RAD51B: variants seen among roughly 807,000 people sequenced by gnomAD.
RAD51B encodes the protein RAD51 paralog B.
RAD51B carries 38 observed loss-of-function variants against 42.2 expected under a neutral mutation model. The observed-to-expected ratio is 0.90, with a 90% CI of 0.70 to 1.18. The LOEUF (loss-of-function observed/expected upper bound fraction) is 1.18, where lower values mean the gene tolerates loss of function less well. Ranked by LOEUF, RAD51B falls within the 50% of genes most tolerant of loss-of-function variation. RAD51B has a pLI of 0.00. For missense variants in RAD51B, 373 were observed against 400.7 expected (o/e 0.93, Z 0.59); for synonymous variants, 154 against 145.2 (o/e 1.06, Z -0.43).
intron 5 of RAD51B, among the ~76,000 whole-genome samples, chr14:67,875,976 T>A (rs2042713186): frequency 6.6e-6 from 1 of 152,186 alleles, no homozygotes; most frequent in African/African-American, 2.4e-5. Context: ...TTTGAGATAG[T>A]TTCATGACAC....
At chr14:68,004,407 G>A (rs2075545574) in intron 7 of RAD51B, among the ~76,000 whole-genome samples, 1 of 149,962 alleles carries the variant, frequency 6.7e-6, no homozygotes, top group African/African-American at 2.4e-5. Flanking sequence ...ATTCCTTGTA[G>A]TTTTTGTTTG....
chr14:68,452,107 G>A (rs184515653), intron 9 of RAD51B, among the ~76,000 whole-genome samples: 2 of 152,276 alleles, frequency 1.3e-5, no homozygotes, highest in African/African-American at 2.4e-5. Context: ...TGTGGATGGC[G>A]CTGGGAAATC....
intron 10 of RAD51B, among the ~76,000 whole-genome samples, chr14:68,512,574 C>T (rs1035697792): frequency 1.3e-5 from 2 of 152,092 alleles, no homozygotes; most frequent in African/African-American, 4.8e-5. Context: ...CTAAGCCCAC[C>T]TCTGCCCTGG....
intron 7 of RAD51B, among the ~76,000 whole-genome samples, chr14:68,268,747 T>C (rs2081043752): frequency 6.6e-6 from 1 of 152,228 alleles, no homozygotes; most frequent in South Asian, 2.1e-4. Flanking sequence ...GCACAGAGCA[T>C]CTTTAATTTA....
chr14:68,206,788 C>CTTTTT (rs34642019), intron 7 of RAD51B, among the ~76,000 whole-genome samples: 5 of 124,352 alleles, frequency 4.0e-5, no homozygotes, highest in Non-Finnish European at 6.8e-5. Flanking sequence ...AACCCCAGTT[C>CTTTTT]TTTTTTTTTT....
intron 10 of RAD51B, among the ~76,000 whole-genome samples, chr14:68,568,720 T>C (rs570232439): frequency 6.6e-6 from 1 of 152,348 alleles, no homozygotes; most frequent in South Asian, 2.1e-4. Context: ...GCAGCCATTT[T>C]CAACAAGCTT....
At chr14:67,978,010 G>A (rs1193891792) in intron 7 of RAD51B, among the ~76,000 whole-genome samples, 1 of 151,930 alleles carries the variant, frequency 6.6e-6, no homozygotes, top group Admixed American at 6.6e-5. Context: ...TCCCCCTAAA[G>A]CCATAGGTAG....
At chr14:68,358,707 A>G (rs747365763) in intron 8 of RAD51B, among the ~76,000 whole-genome samples, 3 of 152,216 alleles carry the variant, frequency 2.0e-5, no homozygotes, top group Non-Finnish European at 4.4e-5. Context: ...AACTCTAGGA[A>G]GGTTATGGTC....
At chr14:68,607,528 G>C (rs1031665006) in intron 10 of RAD51B, among the ~76,000 whole-genome samples, 1 of 152,114 alleles carries the variant, frequency 6.6e-6, no homozygotes, top group Non-Finnish European at 1.5e-5. Context: ...CTCAGCCCAC[G>C]TCCGCCCTTT....
At chr14:68,536,857 G>A (rs538114630) in intron 10 of RAD51B, among the ~76,000 whole-genome samples, 330 of 151,676 alleles carry the variant, frequency 2.2e-3, no homozygotes, top group African/African-American at 7.6e-3. Context: ...CGAGGCGGGC[G>A]GATCCCTTGA....
chr14:67,998,755 T>C (rs894745560), intron 7 of RAD51B, among the ~76,000 whole-genome samples: 1 of 152,166 alleles, frequency 6.6e-6, no homozygotes, highest in Non-Finnish European at 1.5e-5. Flanking sequence ...GCTCTAGATA[T>C]TCAATGAGGT....
chr14:68,143,129 A>T (rs1429247369), intron 7 of RAD51B, among the ~76,000 whole-genome samples: 1 of 152,158 alleles, frequency 6.6e-6, no homozygotes, highest in African/African-American at 2.4e-5. Context: ...ACTTGTCCCA[A>T]CTTTGCCACT....
chr14:67,891,089 T>C (rs577468019), intron 7 of RAD51B, among the ~76,000 whole-genome samples: 18 of 152,284 alleles, frequency 1.2e-4, no homozygotes, highest in Admixed American at 9.2e-4. Context: ...TCAATTTCAG[T>C]TGTTATATGA....
At position 68,590,996 on chromosome 14, in the gene RAD51B, G is replaced by A. The variant is rs142521549; in HGVS notation, c.1037-3489G>A. 2.5e-3 allele frequency among the ~76,000 whole-genome samples: 375 copies of A among 152,208 alleles called. 3 individuals carry two copies. Among genetic ancestry groups the A allele is most frequent in the African/African-American group, 8.7e-3 (361 of 41,534 alleles). On this transcript the variant is annotated intron_variant, in intron 10 of 10. Coordinates refer to the RAD51B transcript ENST00000487270. ...CCATGGACCCCTCCCCTCCCCTCCG[G>A]TTCCTGCCCTGCCCAACCTCATTCT...
intron 10 of RAD51B, among the ~76,000 whole-genome samples, chr14:68,607,252 C>T (rs1028206371): frequency 1.2e-4 from 19 of 152,316 alleles, no homozygotes; most frequent in African/African-American, 4.6e-4. Flanking sequence ...GAGCTCATGC[C>T]AGCACTTCTG....
intron 11 of RAD51B, among the ~76,000 whole-genome samples, chr14:68,662,416 G>T (rs1892952140): frequency 6.6e-6 from 1 of 152,242 alleles, no homozygotes; most frequent in Non-Finnish European, 1.5e-5. Flanking sequence ...TATCCAAGAT[G>T]TCAGCTGCCT....
rs988431933 is a variant in RAD51B at position 67,920,629 on chromosome 14, T to C, written c.756+33425T>C. The stretch of plus-strand genomic sequence containing the variant: ...AATACTGTGTACAATTTTATGAAGT[T>C]AAGTTTCTGTAATATGTGGTCACCC... On this transcript the variant is annotated intron_variant, in intron 7 of 10. Transcript: ENST00000471583. Among the ~76,000 whole-genome samples the C allele has an allele frequency of 5.3e-5, 8 of 152,330 alleles. No individual in the cohort carries two copies. In the East Asian group the frequency reaches 1.5e-3, roughly 29 times the overall value.
chr14:68,206,441 A>G (rs1198673756), intron 7 of RAD51B, among the ~76,000 whole-genome samples: 1 of 152,178 alleles, frequency 6.6e-6, no homozygotes, highest in Non-Finnish European at 1.5e-5. Flanking sequence ...AAGATGACTG[A>G]AAAATCATGA....
At chr14:68,082,680 G>A (rs1439527594) in intron 7 of RAD51B, among the ~76,000 whole-genome samples, 1 of 151,944 alleles carries the variant, frequency 6.6e-6, no homozygotes, top group African/African-American at 2.4e-5. Flanking sequence ...TTGTGGTTTT[G>A]TGGTATCTAT....
Sources: gnomAD v4.1 joint callset for allele counts (sites outside exome capture counted in the v4.1 genomes callset) on GRCh38, gnomAD v4.1.1 for gene constraint, MANE v1.5 for transcripts, NCBI Gene and HGNC (gene_info 2026-07-23, HGNC 2026-07-21) for gene names.